Variants in CSMD1 observed in about 807,000 individuals in gnomAD.
CSMD1 encodes the protein CUB and Sushi multiple domains 1, also known as CUB and sushi domain-containing protein 1.
A neutral mutation model predicts 417.5 loss-of-function variants in CSMD1; 213 were observed. The ratio of observed to expected loss-of-function variants is 0.51; its 90% confidence interval spans 0.46 to 0.57. CSMD1 has a LOEUF of 0.57. Among genes scored for constraint, CSMD1 ranks in the 20% least tolerant of loss-of-function variants. The pLI is 0.00. For synonymous variants in CSMD1, 2,862 were observed against 1,736.8 expected, an observed-to-expected ratio of 1.65 and a Z score of -16.11; for missense variants, 6,923 against 4,529.7, an observed-to-expected ratio of 1.53 and a Z score of -15.17.
chr8:3,702,848 C>A (rs900222), intron 7 of CSMD1, among the ~76,000 whole-genome samples: 144,977 of 152,174 alleles, frequency 0.95, 69,119 homozygotes, highest in East Asian at 1. Context: ...CAAATATATA[C>A]AGTGTCAGTT....
intron 3 of CSMD1, among the ~76,000 whole-genome samples, chr8:4,100,646 T>C (rs773720594): frequency 6.6e-6 from 1 of 152,150 alleles, no homozygotes; most frequent in Non-Finnish European, 1.5e-5. Flanking sequence ...ATGTCCATCA[T>C]TTCGATGATG....
intron 49 of CSMD1, among the ~76,000 whole-genome samples, chr8:3,053,221 A>G (rs537761395): frequency 2.0e-5 from 3 of 152,268 alleles, no homozygotes; most frequent in Non-Finnish European, 4.4e-5. Context: ...AAGACTGACC[A>G]CTCTCATGCA....
In CSMD1 at chr8:3,503,029, T is replaced by G. The variant is rs563530091; in HGVS notation, c.1345-9303A>C. 1.0e-3 allele frequency among the ~76,000 whole-genome samples: 156 copies of G among 152,256 alleles called. 1 individual carries two copies. The highest frequency in any genetic ancestry group is 3.4e-3 in the African/African-American group (142 of 41,546). ...GGGGAAACTATGTCTTCTGATCAATTTTGCTGTGCAAACTGCTCTAAAAAT... is the reference window on the plus strand; with the variant it reads ...GGGGAAACTATGTCTTCTGATCAATGTTGCTGTGCAAACTGCTCTAAAAAT... On this transcript the variant is annotated intron_variant, in intron 10 of 69. Transcript: ENST00000635120.
chr8:4,612,047 C>T (rs1801203877), intron 2 of CSMD1, among the ~76,000 whole-genome samples: 1 of 152,080 alleles, frequency 6.6e-6, no homozygotes, highest in African/African-American at 2.4e-5. Context: ...AGCCATGGTT[C>T]CCGGCGTGTC....
At chr8:4,115,891 A>C (rs1802108371) in intron 3 of CSMD1, among the ~76,000 whole-genome samples, 2 of 152,152 alleles carry the variant, frequency 1.3e-5, no homozygotes, top group South Asian at 4.1e-4. Context: ...ACAGGAAGAC[A>C]GAAGAAAGAT....
At chr8:4,250,267 T>C (rs1172092271) in intron 3 of CSMD1, among the ~76,000 whole-genome samples, 1 of 152,158 alleles carries the variant, frequency 6.6e-6, no homozygotes, top group Non-Finnish European at 1.5e-5. Context: ...AAAAAGCCTC[T>C]CTAGTGATAT....
chr8:3,057,636 C>G (rs1349697069), intron 49 of CSMD1, among the ~76,000 whole-genome samples: 2 of 152,094 alleles, frequency 1.3e-5, no homozygotes, highest in Non-Finnish European at 2.9e-5. Context: ...CGTTATTCGA[C>G]TTTCTTACAG....
intron 1 of CSMD1, among the ~76,000 whole-genome samples, chr8:4,980,265 G>C (rs572068111): frequency 3.2e-4 from 48 of 152,296 alleles, no homozygotes; most frequent in African/African-American, 1.0e-3. Context: ...TTTAAGCCCA[G>C]AACTTTCCTA....
chr8:3,807,806 C>T lies in CSMD1; in HGVS notation c.819-53764G>A, dbSNP rs73504732. Among the ~76,000 whole-genome samples, 1,026 of 152,238 alleles carry T rather than the reference C, an allele frequency of 6.7e-3. 13 individuals carry two copies. The highest frequency in any genetic ancestry group is 0.023 in the African/African-American group (969 of 41,532). On this transcript the variant is annotated intron_variant, in intron 5 of 69. Coordinates refer to ENST00000635120, the MANE Select transcript of CSMD1 (RefSeq NM_033225.6). ...CTAGATTGTCATTCAGGCAGATGCA[C>T]AGACCCTCACTGAGATCCTAGCACA...
intron 1 of CSMD1, among the ~76,000 whole-genome samples, chr8:4,860,358 A>T (rs1261188748): frequency 2.6e-5 from 4 of 151,524 alleles, no homozygotes; most frequent in Non-Finnish European, 5.9e-5. Flanking sequence ...ACATGTATAC[A>T]TATGTAACTA....
chr8:4,738,346 C>G (rs1420190603), intron 1 of CSMD1, among the ~76,000 whole-genome samples: 2 of 152,058 alleles, frequency 1.3e-5, no homozygotes, highest in African/African-American at 4.8e-5. Flanking sequence ...GCGAAGAGGC[C>G]TCAGAAAACT....
chr8:2,969,339 G>A (rs1439903680), intron 57 of CSMD1, among the ~76,000 whole-genome samples: 3 of 152,088 alleles, frequency 2.0e-5, no homozygotes, highest in Non-Finnish European at 4.4e-5. Context: ...TAATACAGCT[G>A]AAACTAAATA....
chr8:3,482,697 A>G (rs1458114955), intron 11 of CSMD1, among the ~76,000 whole-genome samples: 3 of 152,234 alleles, frequency 2.0e-5, no homozygotes, highest in Non-Finnish European at 4.4e-5. Context: ...AGCCCTATGA[A>G]AAGCTGACAA....
intron 54 of CSMD1, among the ~76,000 whole-genome samples, chr8:2,992,917 G>C (rs1164537866): frequency 2.6e-5 from 4 of 151,266 alleles, no homozygotes; most frequent in East Asian, 2.0e-4. Flanking sequence ...AATTTTTGTA[G>C]AGACTGAGTT....
intron 1 of CSMD1, among the ~76,000 whole-genome samples, chr8:4,703,511 T>C (rs905807400): frequency 1.3e-5 from 2 of 152,200 alleles, no homozygotes; most frequent in African/African-American, 4.8e-5. Flanking sequence ...TTCATGAAAG[T>C]TATAAAATTG....
At position 3,434,985 on chromosome 8, in the gene CSMD1, G is replaced by A. The variant is rs186383783; in HGVS notation, c.1562-25380C>T. Reference sequence around the variant, plus strand: ...GTGGATCCATTTATCCCCCCAGGGAGCTGGTAGCAGACAGGACAGGGAGCT... The same window carrying A: ...GTGGATCCATTTATCCCCCCAGGGAACTGGTAGCAGACAGGACAGGGAGCT... On this transcript the variant is annotated intron_variant, in intron 12 of 69. Transcript: ENST00000635120. 1.1e-4 allele frequency among the ~76,000 whole-genome samples: 17 copies of A among 152,290 alleles called. 1 individual carries two copies. In the East Asian group the frequency reaches 2.5e-3, roughly 22 times the overall value.
At chr8:3,750,547 C>G (rs1225161856) in intron 6 of CSMD1, among the ~76,000 whole-genome samples, 2 of 151,968 alleles carry the variant, frequency 1.3e-5, no homozygotes, top group African/African-American at 4.8e-5. Context: ...TAATATCAGG[C>G]TTTCCTTCTT....
At chr8:3,302,927 T>C (rs971240952) in intron 25 of CSMD1, among the ~76,000 whole-genome samples, 2 of 152,160 alleles carry the variant, frequency 1.3e-5, no homozygotes, top group African/African-American at 4.8e-5. Context: ...ACTCAGGCTC[T>C]CCTACATGTC....
chr8:4,844,558 A>G (rs1476471585), intron 1 of CSMD1, among the ~76,000 whole-genome samples: 1 of 152,160 alleles, frequency 6.6e-6, no homozygotes, highest in African/African-American at 2.4e-5. Flanking sequence ...ATAACCAGCC[A>G]TGAGGGGTGC....
Sources: allele counts gnomAD v4.1 joint callset (sites outside exome capture counted in the v4.1 genomes callset), GRCh38; gene constraint gnomAD v4.1.1; transcripts MANE v1.5; gene names NCBI Gene and HGNC (gene_info 2026-07-23, HGNC 2026-07-21).